FBXL2: variants seen among roughly 807,000 people sequenced by gnomAD.
The protein encoded by FBXL2 is F-box and leucine rich repeat protein 2.
In FBXL2, 38 loss-of-function variants were observed where a neutral mutation model predicts 69.2. The ratio of observed to expected loss-of-function variants is 0.55; its 90% CI spans 0.42 to 0.72. The LOEUF (loss-of-function observed/expected upper bound fraction) is 0.72, where lower values mean the gene tolerates loss of function less well. FBXL2 is among the 30% of genes least tolerant of loss of function. FBXL2 has a pLI of 0.00. For synonymous variants in FBXL2, 192 were observed against 201.3 expected, an observed-to-expected ratio of 0.95 and a Z score of 0.39; for missense variants, 354 against 520.3, an observed-to-expected ratio of 0.68 and a Z score of 3.11.
the FBXL2 span, among the ~76,000 whole-genome samples, chr3:33,420,488 CTT>C: frequency 1.2e-4 from 14 of 120,584 alleles, no homozygotes; most frequent in Non-Finnish European, 1.2e-4. Flanking sequence ...ACCATACTGG[CTT>C]TTTTTTTTTT....
chr3:33,331,719 A>T (rs1386707531), intron 2 of FBXL2, among the ~76,000 whole-genome samples: 1 of 152,216 alleles, frequency 6.6e-6, no homozygotes, highest in Admixed American at 6.5e-5. Context: ...CACTAATCGG[A>T]TGAAAATGAG....
intron 2 of FBXL2, among the ~76,000 whole-genome samples, chr3:33,311,469 T>C (rs2037186901): frequency 6.6e-6 from 1 of 152,176 alleles, no homozygotes; most frequent in Non-Finnish European, 1.5e-5. Context: ...CTTCACTCTT[T>C]TTCATTTTTT....
At chr3:33,325,549 T>G (rs1022576275) in intron 2 of FBXL2, among the ~76,000 whole-genome samples, 2 of 152,224 alleles carry the variant, frequency 1.3e-5, no homozygotes, top group African/African-American at 4.8e-5. Flanking sequence ...TTTGAGATAA[T>G]CATGTGGTTT....
chr3:33,374,886 A>T (rs1446439803), intron 9 of FBXL2, among the ~76,000 whole-genome samples: 1 of 152,212 alleles, frequency 6.6e-6, no homozygotes, highest in Non-Finnish European at 1.5e-5. Context: ...ATCTGCAGAA[A>T]TCCAATCAAA....
intron 2 of FBXL2, among the ~76,000 whole-genome samples, chr3:33,320,993 A>AT (rs1428030052): frequency 6.6e-6 from 1 of 152,166 alleles, no homozygotes; most frequent in Non-Finnish European, 1.5e-5. Context: ...TTACAAATCA[A>AT]TAAGAAAACG....
At chr3:33,337,022 C>T (rs569222407) in intron 2 of FBXL2, among the ~76,000 whole-genome samples, 11 of 151,476 alleles carry the variant, frequency 7.3e-5, no homozygotes, top group African/African-American at 1.5e-4. Context: ...CTGGGCAAAA[C>T]GATGAAACCC....
intron 2 of FBXL2, among the ~76,000 whole-genome samples, chr3:33,301,377 A>C (rs1289357764): frequency 6.6e-6 from 1 of 152,140 alleles, no homozygotes; most frequent in East Asian, 1.9e-4. Flanking sequence ...TGTTACTGCC[A>C]TCTTTAATTC....
At position 33,318,054 on chromosome 3, in the gene FBXL2, TA is replaced by T. The variant is rs2037864271; in HGVS notation, c.65+20330del. ...GTTTTTTTGACAGAATTTAAGAACT[TA>T]GTAGTCTTCTAATTACCACGCTCTA... On this transcript the variant is annotated intron_variant, in intron 2 of 14. Coordinates refer to ENST00000484457, the MANE Select transcript of FBXL2 (RefSeq NM_012157.5). 3.3e-5 allele frequency among the ~76,000 whole-genome samples: 5 copies of T among 152,234 alleles called. No homozygotes were observed. The South Asian group carries it at 1.0e-3, about 32-fold the overall frequency.
At chr3:33,414,000 T>C in the FBXL2 span, 4 of 152,202 alleles carry the variant, frequency 2.6e-5, no homozygotes, top group Non-Finnish European at 4.4e-5. Context: ...AGAACCATAC[T>C]AACTACACAT....
intron 12 of FBXL2, among the ~76,000 whole-genome samples, chr3:33,401,426 A>G (rs993412715): frequency 3.3e-5 from 5 of 152,272 alleles, no homozygotes; most frequent in East Asian, 1.9e-4. Flanking sequence ...AAATAGTACA[A>G]TGACCCTAAG....
rs2040928421 is a variant in FBXL2 at position 33,352,928 on chromosome 3, A to AC, written c.66-6039_66-6038insC. 1.2e-4 allele frequency among the ~76,000 whole-genome samples: 18 copies of AC among 151,250 alleles called. No homozygotes were observed. The South Asian group carries it at 1.3e-3, about 11-fold the overall frequency. On this transcript the variant is annotated intron_variant, in intron 2 of 14. Coordinates refer to ENST00000484457, the MANE Select transcript of FBXL2 (RefSeq NM_012157.5). ...ACAAAACAAAACAAAACAAAACAAA[A>AC]AAACCCATCTCAATAGTGAGAAATA...
chr3:33,375,155 T>G, intron 9 of FBXL2, 133 bp from the exon 10 acceptor site: 1 of 1,030,110 alleles, frequency 9.7e-7, no homozygotes, highest in Non-Finnish European at 1.4e-6. Context: ...CTCTACTTAT[T>G]TTGTTGAAGT....
intron 2 of FBXL2, among the ~76,000 whole-genome samples, chr3:33,343,807 C>A (rs1047957281): frequency 2.0e-5 from 3 of 151,920 alleles, no homozygotes; most frequent in Non-Finnish European, 2.9e-5. Flanking sequence ...ATATTTAAAC[C>A]TGTGGTATGT....
chr3:33,352,983 G>C (rs2040933435), intron 2 of FBXL2, among the ~76,000 whole-genome samples: 1 of 152,022 alleles, frequency 6.6e-6, no homozygotes. Context: ...CAAAAAATCT[G>C]AACAGATATT....
intron 1 of FBXL2, among the ~76,000 whole-genome samples, chr3:33,290,338 T>C (rs762038886): frequency 1.3e-5 from 2 of 152,226 alleles, no homozygotes; most frequent in African/African-American, 2.4e-5. Flanking sequence ...GAAGGAACTT[T>C]CCTTTATGGA....
chr3:33,377,140 T>A (rs752185017), intron 10 of FBXL2, 133 bp from the exon 11 acceptor site: 5 of 798,244 alleles, frequency 6.3e-6, no homozygotes, highest in Admixed American at 2.1e-5. Flanking sequence ...GCAGGTCACA[T>A]TCCCTAAGGG....
chr3:33,390,228 T>C, downstream of FBXL2: 2 of 1,197,496 alleles, frequency 1.7e-6, no homozygotes, highest in South Asian at 2.7e-5. Flanking sequence ...ATATGAAACA[T>C]TTCATATGGT....
At chr3:33,333,702 A>T (rs1341284919) in intron 2 of FBXL2, among the ~76,000 whole-genome samples, 1 of 151,936 alleles carries the variant, frequency 6.6e-6, no homozygotes, top group Non-Finnish European at 1.5e-5. Flanking sequence ...ACACTAAATC[A>T]CCCATGCCCT....
chr3:33,398,577 GCTA>G (rs926914630), intron 12 of FBXL2: 2 of 152,296 alleles, frequency 1.3e-5, no homozygotes, highest in Non-Finnish European at 2.9e-5. Context: ...TCCTCACCAT[GCTA>G]CTGTCAGTGC....
Sources: gnomAD v4.1 joint callset for allele counts (sites outside exome capture counted in the v4.1 genomes callset) on GRCh38, gnomAD v4.1.1 for gene constraint, MANE v1.5 for transcripts, NCBI Gene and HGNC (gene_info 2026-07-23, HGNC 2026-07-21) for gene names.